PARK7: variants seen among roughly 807,000 people sequenced by gnomAD.
PARK7 encodes Parkinson disease protein 7.
PARK7 carries 14 observed loss-of-function variants against 20.5 expected under a neutral mutation model. The ratio of observed to expected loss-of-function variants is 0.68; its 90% CI spans 0.45 to 1.07. The LOEUF is 1.07. Among genes scored for constraint, PARK7 ranks in the 50% least tolerant of loss-of-function variants. The pLI is 0.00. For synonymous variants in PARK7, 98 were observed against 84.3 expected (o/e 1.16, Z -0.89); for missense variants, 234 against 238.1 (o/e 0.98, Z 0.11).
intron 4 of PARK7, 43 bp from the exon 5 acceptor site, chr1:7,970,851 G>A: frequency 1.3e-6 from 2 of 1,596,832 alleles, no homozygotes; most frequent in Non-Finnish European, 1.7e-6. Context: ...TTGGTTAGTG[G>A]CTTAATGATA....
chr1:7,985,074 C>G lies in PARK7; in HGVS notation c.*20C>G. 6.2e-7 allele frequency: 1 copy of G among 1,612,116 alleles called. No homozygotes were observed. The highest frequency in any genetic ancestry group is 8.5e-7 in the Non-Finnish European group (1 of 1,179,284). ...GACTAGAGCAGCGAACTGCGACGAT[C>G]ACTTAGAGAAACAGGCCGTTAGGAA... is the stretch of plus-strand genomic sequence containing the variant. On this transcript the variant is annotated 3_prime_UTR_variant, in exon 7 of 7. Coordinates refer to ENST00000338639, the MANE Select transcript of PARK7 (RefSeq NM_007262.5).
chr1:7,981,321 A>C (rs1179058742), intron 6 of PARK7, among the ~76,000 whole-genome samples: 1 of 152,192 alleles, frequency 6.6e-6, no homozygotes, highest in African/African-American at 2.4e-5. Flanking sequence ...ACCACTGCTG[A>C]GTACTGTTTG....
At chr1:7,965,544 C>T (rs1353094160) in intron 3 of PARK7, 119 bp downstream of exon 3, 1 of 857,920 alleles carries the variant, frequency 1.2e-6, no homozygotes, top group East Asian at 2.5e-5. Flanking sequence ...ATGTCTTCCC[C>T]TGACAGATTA....
chr1:7,977,813 G>A, intron 6 of PARK7, 75 bp downstream of exon 6: 2 of 1,304,884 alleles, frequency 1.5e-6, no homozygotes, highest in South Asian at 1.2e-5. Flanking sequence ...AGGCTGGAGT[G>A]CAGTGGCGTG....
chr1:7,969,527 G>T, intron 4 of PARK7, 123 bp downstream of exon 4: 1 of 708,214 alleles, frequency 1.4e-6, no homozygotes, highest in East Asian at 3.0e-5. Flanking sequence ...AGGAGGCTGT[G>T]AAAAAAAAAT....
At chr1:7,980,149 A>C (rs914834279) in intron 6 of PARK7, among the ~76,000 whole-genome samples, 2 of 134,614 alleles carry the variant, frequency 1.5e-5, no homozygotes, top group African/African-American at 5.7e-5. Flanking sequence ...CAACAGAGTG[A>C]GACTCCATCT....
intron 4 of PARK7, among the ~76,000 whole-genome samples, chr1:7,969,993 A>G (rs908092257): frequency 6.6e-6 from 1 of 151,992 alleles, no homozygotes; most frequent in Non-Finnish European, 1.5e-5. Flanking sequence ...GGAGTTTGAG[A>G]CCAGCCTAAG....
At chr1:7,974,810 G>T (rs1578099805) in intron 5 of PARK7, among the ~76,000 whole-genome samples, 2 of 151,034 alleles carry the variant, frequency 1.3e-5, no homozygotes, top group Admixed American at 1.3e-4. Context: ...TGATGGAAGA[G>T]ATTTGGATCT....
At position 7,984,027 on chromosome 1, in the gene PARK7, G is replaced by C. The variant is rs1362655214; in HGVS notation, c.410-867G>C. On this transcript the variant is annotated intron_variant, in intron 6 of 6. Transcript: ENST00000338639. The surrounding 1 kb of genome is among the most constrained non-coding windows in gnomAD (Gnocchi z 4.3). ...TAGAGTCAATAGAGGTACCTAATTT[G>C]GGGAGGTGGGGGTGGTCACAGATAC... 6.6e-6 allele frequency among the ~76,000 whole-genome samples: 1 copy of C among 152,180 alleles called. No individual in the cohort carries two copies. The highest frequency in any genetic ancestry group is 1.5e-5 in the Non-Finnish European group (1 of 68,028).
chr1:7,965,697 G>C (rs1268558729), intron 3 of PARK7, among the ~76,000 whole-genome samples: 1 of 152,126 alleles, frequency 6.6e-6, no homozygotes, highest in Admixed American at 6.5e-5. Context: ...GTGCTTAGAT[G>C]GATGGCTGCA....
At chr1:7,966,563 T>G (rs925783944) in intron 3 of PARK7, among the ~76,000 whole-genome samples, 1 of 151,850 alleles carries the variant, frequency 6.6e-6, no homozygotes, top group African/African-American at 2.4e-5. Flanking sequence ...CCAGGTGTGG[T>G]GGTGCATGCC....
chr1:7,976,428 C>T (rs540758669), intron 5 of PARK7, among the ~76,000 whole-genome samples: 1 of 152,268 alleles, frequency 6.6e-6, no homozygotes, highest in East Asian at 1.9e-4. Flanking sequence ...CCATTACATA[C>T]GCAATATGCT....
chr1:7,962,943 T>A, intron 2 of PARK7, 68 bp downstream of exon 2: 1 of 1,278,440 alleles, frequency 7.8e-7, no homozygotes. Flanking sequence ...TCATTTTGAA[T>A]AAAATATTCA....
At chr1:7,977,603 C>T in intron 5 of PARK7, 49 bp from the exon 6 acceptor site, 1 of 1,540,022 alleles carries the variant, frequency 6.5e-7, no homozygotes, top group South Asian at 1.1e-5. Flanking sequence ...ATTTTTTAAA[C>T]ATGGGCTTTT....
At position 7,984,104 on chromosome 1, in the gene PARK7, A is replaced by T. The variant is rs1312564103; in HGVS notation, c.410-790A>T. On this transcript the variant is annotated intron_variant, in intron 6 of 6. Transcript: ENST00000338639. This position sits in a 1 kb window ranked among gnomAD's most constrained non-coding sequence, Gnocchi z 4.3. ...TGAAACTGAAGGAGCAAGGAACTGG[A>T]AAGAGCTGGTCTCTGGGTGGAGGGA... Among the ~76,000 whole-genome samples the T allele has an allele frequency of 1.3e-5, 2 of 152,082 alleles. No homozygotes were observed. Among genetic ancestry groups the T allele is most frequent in the African/African-American group, 4.8e-5 (2 of 41,396 alleles).
At chr1:7,965,673 A>G (rs1640309369) in intron 3 of PARK7, among the ~76,000 whole-genome samples, 1 of 152,216 alleles carries the variant, frequency 6.6e-6, no homozygotes, top group Non-Finnish European at 1.5e-5. Flanking sequence ...ATGTGTGGCC[A>G]GATGGGTGGG....
At chr1:7,979,105 C>T (rs1216968813) in intron 6 of PARK7, among the ~76,000 whole-genome samples, 1 of 152,080 alleles carries the variant, frequency 6.6e-6, no homozygotes, top group African/African-American at 2.4e-5. Context: ...TGGGGGTGGG[C>T]ATGAAGGTGG....
intron 6 of PARK7, among the ~76,000 whole-genome samples, chr1:7,978,242 C>T (rs949931979): frequency 2.0e-5 from 3 of 151,616 alleles, no homozygotes; most frequent in South Asian, 2.1e-4. Flanking sequence ...GTGATCCACC[C>T]GCCTCAGCCT....
intron 4 of PARK7, 118 bp from the exon 5 acceptor site, chr1:7,970,776 A>C: frequency 2.2e-6 from 2 of 914,532 alleles, no homozygotes. Flanking sequence ...TATTGTTGGA[A>C]AATAGGTCAG....
Sources: allele counts gnomAD v4.1 joint callset (sites outside exome capture counted in the v4.1 genomes callset), GRCh38; gene constraint gnomAD v4.1.1; non-coding constraint Gnocchi (gnomAD v3.1); transcripts MANE v1.5; gene names NCBI Gene and HGNC (gene_info 2026-07-23, HGNC 2026-07-21).